The following TMPRSS9 variants were observed in gnomAD, a reference collection of about 807,000 sequenced individuals.
The protein encoded by TMPRSS9 is transmembrane serine protease 9.
A neutral mutation model predicts 111.4 loss-of-function variants in TMPRSS9; 113 were observed. The observed-to-expected ratio is 1.01, with a 90% CI of 0.87 to 1.19. TMPRSS9 has a LOEUF of 1.19. Among genes scored for constraint, TMPRSS9 ranks in the 50% most tolerant of loss-of-function variants. The pLI is 0.00. For synonymous variants in TMPRSS9, 805 were observed against 659.1 expected (o/e 1.22, Z -3.39); for missense variants, 1,803 against 1,513.1 (o/e 1.19, Z -3.18).
chr19:2,415,805 A>G lies in TMPRSS9; in HGVS notation c.1709A>G (p.Asp570Gly), dbSNP rs1173059425. 1.9e-6 allele frequency: 3 copies of G among 1,602,196 alleles called. No individual in the cohort carries two copies. In the South Asian group the frequency reaches 3.3e-5, roughly 18 times the overall value. ...TTCTGCGGAGCAACTGTGGTGGGGG[A>G]CCGCTGGCTGCTGTCTGCCGCCCAC... is the stretch of plus-strand genomic sequence containing the variant. Residue 570 changes from aspartate (D) to glycine (G), a missense_variant, in exon 11 of 18, where the codon GAC (aspartate) becomes GGC (glycine). Physicochemically the swap from Asp to Gly is moderately conservative, Grantham distance 94. Coordinates refer to ENST00000648592, the Ensembl canonical transcript of TMPRSS9.
At chr19:2,390,808 G>T (rs1197410271) in intron 1 of TMPRSS9, among the ~76,000 whole-genome samples, 4 of 150,306 alleles carry the variant, frequency 2.7e-5, no homozygotes, top group African/African-American at 9.8e-5. Context: ...AGCTGAGATC[G>T]CACCACTGCA....
chr19:2,400,724 A>G (rs1970817246), intron 4 of TMPRSS9, among the ~76,000 whole-genome samples: 2 of 151,982 alleles, frequency 1.3e-5, no homozygotes, highest in Admixed American at 6.6e-5. Flanking sequence ...CTGTAATCCC[A>G]GCACTTTGGG....
exon 13 of TMPRSS9, chr19:2,418,069 C>A: frequency 6.2e-7 from 1 of 1,612,384 alleles, no homozygotes; most frequent in Non-Finnish European, 8.5e-7. Context: ...GTAGTGTGCT[C>A]TACAACTTCT....
upstream of TMPRSS9, among the ~76,000 whole-genome samples, chr19:2,386,380 C>T (rs1970475491): frequency 6.6e-6 from 1 of 151,886 alleles, no homozygotes; most frequent in African/African-American, 2.4e-5. Flanking sequence ...TGGCGGGCGC[C>T]TGTAGTCCCA....
At position 2,398,998 on chromosome 19, in the gene TMPRSS9, C is replaced by T. The variant is rs751011531; in HGVS notation, c.339-20C>T. ...GGCGGAGCCCCTCCCTCTCCAAGGG[C>T]CTCTCCTCCATACCTGTAGGGATGG... On this transcript the variant is annotated intron_variant, in intron 3 of 17. Transcript: ENST00000648592. 6 of 1,605,132 alleles carry T rather than the reference C, an allele frequency of 3.7e-6. No individual in the cohort carries two copies. Among genetic ancestry groups the T allele is most frequent in the Non-Finnish European group, 4.2e-6 (5 of 1,178,454 alleles).
chr19:2,366,045 G>A (rs1970246079), intron 1 of TMPRSS9, among the ~76,000 whole-genome samples: 1 of 152,086 alleles, frequency 6.6e-6, no homozygotes, highest in African/African-American at 2.4e-5. Flanking sequence ...TGAAGCTGAG[G>A]TGAACCTTTG....
At chr19:2,399,600 T>TA (rs1292138078) in intron 4 of TMPRSS9, among the ~76,000 whole-genome samples, 1 of 152,068 alleles carries the variant, frequency 6.6e-6, no homozygotes, top group Non-Finnish European at 1.5e-5. Context: ...CAAACAAATG[T>TA]AAAAACTGAC....
intron 1 of TMPRSS9, among the ~76,000 whole-genome samples, chr19:2,395,640 G>A (rs916551310): frequency 2.0e-5 from 3 of 152,056 alleles, no homozygotes; most frequent in East Asian, 1.9e-4. Flanking sequence ...GCTTGAACCC[G>A]GGAGGCGGAG....
At chr19:2,373,078 C>T (rs966620010) in intron 1 of TMPRSS9, among the ~76,000 whole-genome samples, 5 of 152,098 alleles carry the variant, frequency 3.3e-5, no homozygotes, top group Admixed American at 1.3e-4. Flanking sequence ...AGTGATCCTC[C>T]CTCCTTGGCC....
At chr19:2,375,156 C>T (rs534475676) in intron 1 of TMPRSS9, among the ~76,000 whole-genome samples, 1 of 152,360 alleles carries the variant, frequency 6.6e-6, no homozygotes, top group African/African-American at 2.4e-5. Context: ...GGCCCCACGT[C>T]TACACGTGGC....
chr19:2,363,683 C>T (rs974348035), intron 1 of TMPRSS9, among the ~76,000 whole-genome samples: 1 of 151,484 alleles, frequency 6.6e-6, no homozygotes, highest in African/African-American at 2.4e-5. Flanking sequence ...CCTCGGTCCC[C>T]CAGGCTCACC....
upstream of TMPRSS9, chr19:2,389,737 T>G (rs913786073): frequency 1.9e-6 from 3 of 1,574,152 alleles, no homozygotes; most frequent in African/African-American, 2.7e-5. Context: ...ACCCCGTGTT[T>G]CTGTCTTGCT....
chr19:2,388,263 C>T (rs1045661835), upstream of TMPRSS9, among the ~76,000 whole-genome samples: 15 of 151,922 alleles, frequency 9.9e-5, no homozygotes, highest in African/African-American at 3.6e-4. Flanking sequence ...GTGGCACACA[C>T]GTGGCCCTAG....
chr19:2,363,803 T>TGTGTGTGTGC (rs1432791076), intron 1 of TMPRSS9, among the ~76,000 whole-genome samples: 8 of 116,572 alleles, frequency 6.9e-5, no homozygotes, highest in South Asian at 3.3e-4. Context: ...TGTGTGTGTG[T>TGTGTGTGTGC]GCGTGCGCGC....
exon 13 of TMPRSS9, chr19:2,418,111 C>T: frequency 1.2e-6 from 2 of 1,612,072 alleles, no homozygotes; most frequent in African/African-American, 1.3e-5. Context: ...GCGCAGGCTT[C>T]CTGGAAGGCA....
At chr19:2,425,515 G>A (rs763712727) in intron 17 of TMPRSS9, 22 bp downstream of exon 18, 4 of 1,548,116 alleles carry the variant, frequency 2.6e-6, no homozygotes, top group South Asian at 2.4e-5. Context: ...CCCGGCCCAG[G>A]GGACCAGGTC....
intron 1 of TMPRSS9, among the ~76,000 whole-genome samples, chr19:2,363,272 T>G (rs967351645): frequency 1.1e-4 from 17 of 152,162 alleles, no homozygotes; most frequent in Admixed American, 9.2e-4. Flanking sequence ...GGAGAGTCCT[T>G]AGGCAAAAGG....
intron 1 of TMPRSS9, among the ~76,000 whole-genome samples, chr19:2,376,471 T>C (rs79423180): frequency 6.6e-6 from 1 of 152,012 alleles, no homozygotes; most frequent in Non-Finnish European, 1.5e-5. Flanking sequence ...CTTTTTTTTT[T>C]CTTTTTGAGA....
In TMPRSS9 at chr19:2,422,776, T is replaced by C. The variant is rs555787094; in HGVS notation, c.2548+529T>C. Among the ~76,000 whole-genome samples the C allele has an allele frequency of 2.6e-5, 4 of 152,124 alleles. No homozygotes were observed. In the East Asian group the frequency reaches 7.7e-4, roughly 29 times the overall value. On this transcript the variant is annotated intron_variant, in intron 14 of 17. Coordinates refer to ENST00000648592, the Ensembl canonical transcript of TMPRSS9. Reference sequence around the variant, plus strand: ...GGTGACAGGTGCCTGTAATCCCAGCTACTTGGGAGGCTGAGGCAGGAGAAT... The same window carrying C: ...GGTGACAGGTGCCTGTAATCCCAGCCACTTGGGAGGCTGAGGCAGGAGAAT...
Sources: gnomAD v4.1 joint callset for allele counts (sites outside exome capture counted in the v4.1 genomes callset) on GRCh38, gnomAD v4.1.1 for gene constraint, MANE v1.5 for transcripts, NCBI Gene and HGNC (gene_info 2026-07-23, HGNC 2026-07-21) for gene names.